The following C13orf42 variants were observed in gnomAD, a reference collection of about 807,000 sequenced individuals.
C13orf42 encodes chromosome 13 open reading frame 42, also known as uncharacterized protein C13orf42.
rs1180019050 is a variant in C13orf42, at chr13:51,083,328, G to GT, written c.*822dup. On this transcript the variant is annotated 3_prime_UTR_variant, in exon 4 of 4. Transcript: ENST00000563710. ...GAAATCCTTTCTATACCAAAAGAAC[G>GT]TAATGATTCTGATTGTTCTCTTAAC... is the stretch of plus-strand genomic sequence containing the variant. 1 of 152,168 alleles carries GT rather than the reference G, an allele frequency of 6.6e-6. No individual in the cohort carries two copies. The highest frequency in any genetic ancestry group is 2.4e-5 in the African/African-American group (1 of 41,422). The allele number at this position is 152,168 out of a possible 1,614,324, so 9.4% of individuals were successfully genotyped here. A position where few individuals can be genotyped will look rare whatever the true frequency, so the allele number is the denominator to read the frequency against.
intron 1 of C13orf42, among the ~76,000 whole-genome samples, chr13:51,171,244 T>C (rs59029244): frequency 0.017 from 2,540 of 152,088 alleles, 79 homozygotes; most frequent in African/African-American, 0.058. Flanking sequence ...TGCAATGCCG[T>C]TTGACCCCAA....
At position 51,166,538 on chromosome 13, in the gene C13orf42, A is replaced by G. The variant is rs1953903186; in HGVS notation, n.136+5715T>C. ...CAGCACACCAGCATGGCACATGTAT[A>G]CATATGTAACTAACCTGCACAATGT... is the stretch of plus-strand genomic sequence containing the variant. On this transcript the variant is annotated intron_variant and non_coding_transcript_variant, in intron 1 of 4. Transcript: ENST00000433280. 4.0e-5 allele frequency among the ~76,000 whole-genome samples: 6 copies of G among 149,658 alleles called. No individual in the cohort carries two copies. In the South Asian group the frequency reaches 1.3e-3, roughly 32 times the overall value.
intron 1 of C13orf42, among the ~76,000 whole-genome samples, chr13:51,155,065 C>T (rs1014440385): frequency 1.3e-4 from 20 of 151,994 alleles, no homozygotes; most frequent in African/African-American, 4.6e-4. Context: ...TACCTCAAAC[C>T]CTCAATTCTT....
At chr13:51,166,353 A>T (rs1169814548) in intron 1 of C13orf42, among the ~76,000 whole-genome samples, 2 of 150,076 alleles carry the variant, frequency 1.3e-5, no homozygotes, top group East Asian at 4.0e-4. Flanking sequence ...CAAAAAAACC[A>T]AACACCGCAT....
intron 2 of C13orf42, among the ~76,000 whole-genome samples, chr13:51,086,338 A>AAC (rs1227586299): frequency 2.0e-5 from 3 of 151,930 alleles, no homozygotes; most frequent in Non-Finnish European, 4.4e-5. Context: ...AAAAAAAAAA[A>AAC]CAAGAAGACA....
At chr13:51,163,349 C>T (rs1953881013) in intron 1 of C13orf42, among the ~76,000 whole-genome samples, 1 of 152,162 alleles carries the variant, frequency 6.6e-6, no homozygotes, top group Non-Finnish European at 1.5e-5. Flanking sequence ...GATATTTCAT[C>T]ATAGTCAGAA....
intron 1 of C13orf42, among the ~76,000 whole-genome samples, chr13:51,163,460 G>C (rs1454845307): frequency 2.0e-5 from 3 of 152,092 alleles, no homozygotes; most frequent in Non-Finnish European, 4.4e-5. Flanking sequence ...GAGACCCAGG[G>C]TGTTTTGAGG....
intron 1 of C13orf42, among the ~76,000 whole-genome samples, chr13:51,092,035 C>T (rs148186943): frequency 2.8e-4 from 42 of 152,282 alleles, no homozygotes; most frequent in African/African-American, 8.9e-4. Context: ...ATGAGAACAT[C>T]TCACCCACAG....
At chr13:51,115,486 C>T (rs1033352000), upstream of C13orf42, among the ~76,000 whole-genome samples, 2 of 152,184 alleles carry the variant, frequency 1.3e-5, no homozygotes, top group South Asian at 2.1e-4. Context: ...CTGTGGCACA[C>T]ACCTCTCAAG....
intron 1 of C13orf42, among the ~76,000 whole-genome samples, chr13:51,129,575 G>A (rs1465274794): frequency 3.9e-5 from 6 of 152,102 alleles, no homozygotes; most frequent in Non-Finnish European, 5.9e-5. Context: ...TGAGTGCCTC[G>A]CCTTCCCCAC....
intron 1 of C13orf42, among the ~76,000 whole-genome samples, chr13:51,166,118 G>A (rs537848569): frequency 3.9e-5 from 6 of 152,192 alleles, no homozygotes; most frequent in African/African-American, 1.4e-4. Flanking sequence ...GTTATCCAAA[G>A]GGAAAAATTA....
intron 1 of C13orf42, among the ~76,000 whole-genome samples, chr13:51,101,758 G>A (rs561656038): frequency 3.9e-5 from 6 of 152,348 alleles, no homozygotes; most frequent in African/African-American, 1.4e-4. Context: ...CAATTACAGT[G>A]TGCTGAGTGC....
At chr13:51,166,031 A>G (rs942489347) in intron 1 of C13orf42, among the ~76,000 whole-genome samples, 7 of 152,204 alleles carry the variant, frequency 4.6e-5, no homozygotes, top group Admixed American at 2.6e-4. Flanking sequence ...TATTATTCCC[A>G]TGTAATTGAT....
chr13:51,156,877 A>G (rs1399173162), intron 1 of C13orf42, among the ~76,000 whole-genome samples: 1 of 152,230 alleles, frequency 6.6e-6, no homozygotes, highest in Non-Finnish European at 1.5e-5. Context: ...TTGCAAGGGA[A>G]TAATCCACGC....
chr13:51,118,261 G>A (rs941141145), intron 1 of C13orf42, among the ~76,000 whole-genome samples: 41 of 149,814 alleles, frequency 2.7e-4, no homozygotes, highest in African/African-American at 9.9e-4. Flanking sequence ...TAGTGACATT[G>A]AGGGAAAAAC....
chr13:51,102,754 G>A (rs1953307263), intron 1 of C13orf42, among the ~76,000 whole-genome samples: 1 of 152,168 alleles, frequency 6.6e-6, no homozygotes, highest in South Asian at 2.1e-4. Flanking sequence ...CTGAGACTGG[G>A]TAATTTATCA....
chr13:51,152,989 C>G (rs1028077823), intron 1 of C13orf42, among the ~76,000 whole-genome samples: 1 of 152,278 alleles, frequency 6.6e-6, no homozygotes, highest in South Asian at 2.1e-4. Flanking sequence ...TGCAGCACAA[C>G]CAGGGCTGGC....
At chr13:51,155,635 AC>A (rs1376353088) in intron 1 of C13orf42, among the ~76,000 whole-genome samples, 1 of 152,148 alleles carries the variant, frequency 6.6e-6, no homozygotes, top group African/African-American at 2.4e-5. Context: ...GCTCTGCTTT[AC>A]CTCTCACACT....
At chr13:51,097,304 T>A (rs1953245005) in intron 1 of C13orf42, among the ~76,000 whole-genome samples, 1 of 152,236 alleles carries the variant, frequency 6.6e-6, no homozygotes, top group Non-Finnish European at 1.5e-5. Context: ...ACCCAGCTTG[T>A]TCTGGGTGTC....
Sources: gnomAD v4.1 joint callset for allele counts (sites outside exome capture counted in the v4.1 genomes callset) on GRCh38, gnomAD v4.1.1 for gene constraint, MANE v1.5 for transcripts, NCBI Gene and HGNC (gene_info 2026-07-23, HGNC 2026-07-21) for gene names.